Variants in EYA4 observed in about 807,000 individuals in gnomAD.
EYA4 encodes the protein protein phosphatase EYA4.
EYA4 carries 31 observed loss-of-function variants against 87.9 expected under a neutral mutation model. That is an observed-to-expected ratio of 0.35 (90% CI 0.27 to 0.48). The LOEUF (loss-of-function observed/expected upper bound fraction) is 0.48. EYA4 is among the 20% of genes least tolerant of loss of function. The pLI is 0.99. For synonymous variants in EYA4, 263 were observed against 270.6 expected, an observed-to-expected ratio of 0.97 and a Z score of 0.28; for missense variants, 678 against 761.4, an observed-to-expected ratio of 0.89 and a Z score of 1.29.
intron 3 of EYA4, among the ~76,000 whole-genome samples, chr6:133,402,716 T>C (rs988592950): frequency 1.3e-4 from 19 of 146,324 alleles, no homozygotes; most frequent in African/African-American, 5.1e-4. Flanking sequence ...AAAGATGAAA[T>C]GTGATACACA....
At chr6:133,438,117 G>T (rs1163194809) in intron 3 of EYA4, among the ~76,000 whole-genome samples, 1 of 151,966 alleles carries the variant, frequency 6.6e-6, no homozygotes, top group Non-Finnish European at 1.5e-5. Flanking sequence ...GGAAATACAG[G>T]AATATTTTTG....
At chr6:133,333,945 C>CT (rs758815328) in intron 2 of EYA4, among the ~76,000 whole-genome samples, 6 of 152,060 alleles carry the variant, frequency 3.9e-5, no homozygotes, top group Non-Finnish European at 8.8e-5. Context: ...CTGGTGGGCT[C>CT]TATGTATACT....
intron 2 of EYA4, among the ~76,000 whole-genome samples, chr6:133,330,547 A>ATT (rs1215886271): frequency 2.7e-5 from 2 of 74,568 alleles, no homozygotes; most frequent in Admixed American, 1.4e-4. Context: ...TTATACTGAG[A>ATT]TTTATATATA....
Position 133,297,646 on chromosome 6 carries a change from C to T in EYA4, c.33+22833C>T, listed in dbSNP as rs138272248. 6.6e-3 allele frequency among the ~76,000 whole-genome samples: 1,004 copies of T among 152,348 alleles called. 8 individuals carry two copies. Among genetic ancestry groups the T allele is most frequent in the African/African-American group, 0.022 (934 of 41,574 alleles). ...GCTTGCTAATCCTACAGAATTTTCACGTCTTTTCCTTTTTGTTCTCTGAGA... is the reference window on the plus strand; with the variant it reads ...GCTTGCTAATCCTACAGAATTTTCATGTCTTTTCCTTTTTGTTCTCTGAGA... On this transcript the variant is annotated intron_variant, in intron 2 of 19. Coordinates refer to ENST00000355286, the MANE Select transcript of EYA4 (RefSeq NM_004100.5).
chr6:133,413,563 AT>A, intron 3 of EYA4, among the ~76,000 whole-genome samples: 1 of 149,930 alleles, frequency 6.7e-6, no homozygotes, highest in Non-Finnish European at 1.5e-5. Context: ...CCATCTTTTG[AT>A]TCTCTTTTTT....
chr6:133,306,218 C>T (rs1779795731), intron 2 of EYA4, among the ~76,000 whole-genome samples: 2 of 152,196 alleles, frequency 1.3e-5, no homozygotes, highest in South Asian at 4.1e-4. Context: ...AAGATACTTA[C>T]CGCGGTAAGT....
chr6:133,461,188 GT>G lies in EYA4; in HGVS notation c.437+9del, dbSNP rs748093293. ...ACAGCTGTATCCTTCCAAGTAAGTG[GT>G]CAGTAGATTCTTGCTTTAAATTGGC... On this transcript the variant is annotated intron_variant, in intron 7 of 19. Transcript: ENST00000355286. The G allele has an allele frequency of 1.7e-5, 28 of 1,604,148 alleles. No homozygotes were observed. Among genetic ancestry groups the G allele is most frequent in the Non-Finnish European group, 2.4e-5 (28 of 1,171,110 alleles).
intron 13 of EYA4, among the ~76,000 whole-genome samples, chr6:133,486,186 C>G (rs1428878544): frequency 6.6e-6 from 1 of 152,128 alleles, no homozygotes; most frequent in Admixed American, 6.5e-5. Context: ...TGAAAAACAA[C>G]TTATATTGCC....
rs186020935 is a variant in EYA4, at chr6:133,500,739, T to C, written c.1192-5367T>C. 3.2e-4 allele frequency among the ~76,000 whole-genome samples: 48 copies of C among 152,228 alleles called. 2 individuals are homozygous for C. The South Asian group carries it at 5.0e-3, about 16-fold the overall frequency. ...GAATCGACTCCTGAAAGGACTTCTTTCGCTAAGCCACCAGTTTCTCACTCT... is the reference window on the plus strand; with the variant it reads ...GAATCGACTCCTGAAAGGACTTCTTCCGCTAAGCCACCAGTTTCTCACTCT... On this transcript the variant is annotated intron_variant, in intron 13 of 19. Transcript: ENST00000355286.
chr6:133,418,069 G>A (rs1789895608), intron 3 of EYA4, among the ~76,000 whole-genome samples: 1 of 152,148 alleles, frequency 6.6e-6, no homozygotes, highest in South Asian at 2.1e-4. Flanking sequence ...TCCTCTGTTT[G>A]ACAGCATACA....
At chr6:133,334,036 A>G (rs1782180359) in intron 2 of EYA4, among the ~76,000 whole-genome samples, 1 of 152,150 alleles carries the variant, frequency 6.6e-6, no homozygotes, top group African/African-American at 2.4e-5. Context: ...AATCTTGACC[A>G]CTTAGTGTAA....
chr6:133,402,543 G>T (rs531268582), intron 3 of EYA4, among the ~76,000 whole-genome samples: 2 of 152,134 alleles, frequency 1.3e-5, no homozygotes, highest in African/African-American at 2.4e-5. Flanking sequence ...AACTCACATT[G>T]TTTTGTTACC....
At chr6:133,242,584 G>T (rs1469471035) in intron 1 of EYA4, among the ~76,000 whole-genome samples, 1 of 152,180 alleles carries the variant, frequency 6.6e-6, no homozygotes, top group East Asian at 1.9e-4. Flanking sequence ...GCGTGGTGAA[G>T]CGAGGTTTGG....
intron 2 of EYA4, among the ~76,000 whole-genome samples, chr6:133,361,786 G>C (rs1297378320): frequency 2.0e-5 from 3 of 152,202 alleles, no homozygotes; most frequent in Admixed American, 6.5e-5. Context: ...ATCTGTTGAT[G>C]AGGAAGAATT....
intron 13 of EYA4, among the ~76,000 whole-genome samples, chr6:133,491,704 C>G (rs563980677): frequency 6.6e-6 from 1 of 152,212 alleles, no homozygotes; most frequent in African/African-American, 2.4e-5. Context: ...GTAATCCCAG[C>G]ACTTTGGGAG....
intron 5 of EYA4, among the ~76,000 whole-genome samples, chr6:133,455,532 C>T (rs1793826664): frequency 6.6e-6 from 1 of 152,150 alleles, no homozygotes; most frequent in Non-Finnish European, 1.5e-5. Flanking sequence ...AATTTCTTTT[C>T]TAACAGAATA....
chr6:133,260,240 T>G (rs1252569699), intron 1 of EYA4, among the ~76,000 whole-genome samples: 1 of 111,684 alleles, frequency 9.0e-6, no homozygotes, highest in Non-Finnish European at 2.3e-5. Flanking sequence ...TAGCTTATAA[T>G]TTTTTTTTTC....
Position 133,382,443 on chromosome 6 carries a change from T to G in EYA4, c.83+2T>G. ...TGTTTCACAATCTCAGAATTCCAGG[T>G]ACAGTAAAATAAAGACCAAGACTCC... On this transcript the variant is annotated splice_donor_variant, in intron 3 of 19. Coordinates refer to ENST00000355286, the MANE Select transcript of EYA4 (RefSeq NM_004100.5). LOFTEE classifies it high-confidence loss of function. The G allele has an allele frequency of 1.9e-6, 3 of 1,607,078 alleles. No homozygotes were observed. Among genetic ancestry groups the G allele is most frequent in the Non-Finnish European group, 2.6e-6 (3 of 1,173,638 alleles).
Position 133,515,467 on chromosome 6 carries a change from C to T in EYA4, c.1616+32C>T, listed in dbSNP as rs762512965. 4.4e-5 allele frequency: 53 copies of T among 1,194,638 alleles called. No individual in the cohort carries two copies. In the Admixed American group the frequency reaches 6.6e-4, roughly 15 times the overall value. The allele number at this position is 1,194,638 out of a possible 1,614,324, so 74.0% of individuals were successfully genotyped here. A position where few individuals can be genotyped will look rare whatever the true frequency, so the allele number is the denominator to read the frequency against. ...GGAATTGTTACCTTTCTATGTGTAT[C>T]GTATTGAAGATTTAGTTCTAATTGT... On this transcript the variant is annotated intron_variant, in intron 17 of 19. Coordinates refer to ENST00000355286, the MANE Select transcript of EYA4 (RefSeq NM_004100.5).
Sources: allele counts gnomAD v4.1 joint callset (sites outside exome capture counted in the v4.1 genomes callset), GRCh38; gene constraint gnomAD v4.1.1; transcripts MANE v1.5; gene names NCBI Gene and HGNC (gene_info 2026-07-23, HGNC 2026-07-21).